The following TMEM63A variants were observed in gnomAD, a reference collection of about 807,000 sequenced individuals.
The protein encoded by TMEM63A is mechanosensitive cation channel TMEM63A.
A neutral mutation model predicts 100.6 loss-of-function variants in TMEM63A; 76 were observed. The observed-to-expected ratio is 0.76, with a 90% CI of 0.63 to 0.91. TMEM63A has a LOEUF of 0.91. Among genes scored for constraint, TMEM63A ranks in the 40% least tolerant of loss-of-function variants. The pLI is 0.00. For missense variants in TMEM63A, 876 were observed against 1,008.8 expected (o/e 0.87, Z 1.78); for synonymous variants, 401 against 401.1 (o/e 1.00, Z 0.00).
At chr1:225,879,456 C>A (rs1485828443) in intron 1 of TMEM63A, 46 bp from the exon 2 acceptor site, 2 of 152,402 alleles carry the variant, frequency 1.3e-5, no homozygotes, top group African/African-American at 4.8e-5. Context: ...CCACCCTTTT[C>A]CAGTGTAGGG....
At position 225,858,004 on chromosome 1, in the gene TMEM63A, C is replaced by T. The variant is rs145955553; in HGVS notation, c.1378-987G>A. Among the ~76,000 whole-genome samples the T allele has an allele frequency of 1.7e-3, 258 of 150,074 alleles. 1 individual carries two copies. Among genetic ancestry groups the T allele is most frequent in the Non-Finnish European group, 2.4e-3 (157 of 66,522 alleles). ...ATTGATTATCATGACAACAGCCTCA[C>T]GCCCTGTATAATAGTGCAGGTGTTT... On this transcript the variant is annotated intron_variant, in intron 15 of 24. Coordinates refer to ENST00000366835, the MANE Select transcript of TMEM63A (RefSeq NM_014698.3).
At chr1:225,854,211 G>A (rs1383727891) in intron 18 of TMEM63A, among the ~76,000 whole-genome samples, 1 of 152,200 alleles carries the variant, frequency 6.6e-6, no homozygotes, top group Non-Finnish European at 1.5e-5. Flanking sequence ...CCAGGGAAAG[G>A]GAACAACATA....
chr1:225,881,821 C>G (rs1005786087), intron 1 of TMEM63A, among the ~76,000 whole-genome samples: 1 of 152,152 alleles, frequency 6.6e-6, no homozygotes, highest in Non-Finnish European at 1.5e-5. Flanking sequence ...TCCCCGAGTC[C>G]CCAGCCTCCC....
intron 3 of TMEM63A, among the ~76,000 whole-genome samples, chr1:225,876,062 T>C (rs1328388575): frequency 4.2e-5 from 2 of 48,022 alleles, no homozygotes; most frequent in African/African-American, 1.9e-4. Context: ...AGACCTTGTC[T>C]CAAAAAAAAA....
chr1:225,853,826 A>G lies in TMEM63A; in HGVS notation c.1635-35T>C. 1 of 1,547,450 alleles carries G rather than the reference A, an allele frequency of 6.5e-7. No homozygotes were observed. Among genetic ancestry groups the G allele is most frequent in the Non-Finnish European group, 8.7e-7 (1 of 1,147,164 alleles). ...CCAGGGCCCAGGTCTGTGAGCTGAG[A>G]GCCGCTCTTGGAGGGAGAGGAGGGG... On this transcript the variant is annotated intron_variant, in intron 18 of 24. Transcript: ENST00000366835. The surrounding 1 kb of genome is among the most constrained non-coding windows in gnomAD (Gnocchi z 4.0).
intron 20 of TMEM63A, among the ~76,000 whole-genome samples, chr1:225,851,106 TA>T (rs1389199127): frequency 6.6e-6 from 1 of 152,120 alleles, no homozygotes; most frequent in Non-Finnish European, 1.5e-5. Flanking sequence ...CACAGAACAC[TA>T]ACATTCCAGA....
At chr1:225,866,823 G>T in intron 8 of TMEM63A, 141 bp from the exon 9 acceptor site, 1 of 776,840 alleles carries the variant, frequency 1.3e-6, no homozygotes, top group Non-Finnish European at 2.1e-6. Flanking sequence ...CACAGAGGTT[G>T]TGTGGCCAGC....
chr1:225,867,939 A>G lies in TMEM63A; in HGVS notation c.463T>C (p.Phe155Leu). The G allele has an allele frequency of 6.2e-7, 1 of 1,614,188 alleles. No individual in the cohort carries two copies. Among genetic ancestry groups the G allele is most frequent in the South Asian group, 1.1e-5 (1 of 91,080 alleles). ...GGCAGGATGACACACAGGGACAAAA[A>G]GCTGACCACCACCAACAGGAAGATG... ...HIIFLLVVVSFLSLCVILPVN... is the reference protein window; with the variant it reads ...HIIFLLVVVSLLSLCVILPVN... Residue 155 changes from phenylalanine to leucine, a missense_variant, in exon 7 of 25, where the codon TTT (phenylalanine) becomes CTT (leucine). Coordinates refer to ENST00000366835, the MANE Select transcript of TMEM63A (RefSeq NM_014698.3). The surrounding 1 kb of genome is among the most constrained non-coding windows in gnomAD (Gnocchi z 4.6).
chr1:225,860,744 T>G lies in TMEM63A; in HGVS notation c.1223+116A>C, dbSNP rs1012156705. 5.3e-6 allele frequency: 7 copies of G among 1,313,932 alleles called. No individual in the cohort carries two copies. The African/African-American group carries it at 1.1e-4, about 20-fold the overall frequency. The allele number at this position is 1,313,932 out of a possible 1,614,324, so 81.4% of individuals were successfully genotyped here. A position where few individuals can be genotyped will look rare whatever the true frequency, so the allele number is the denominator to read the frequency against. On this transcript the variant is annotated intron_variant, in intron 14 of 24. Transcript: ENST00000366835. ...ATCACAGCATCACAGCCCACAGAAT[T>G]GCAGATGTGTGGAGATCTCCATTGA... is the stretch of plus-strand genomic sequence containing the variant.
chr1:225,854,021 A>G (rs1669488580), intron 18 of TMEM63A, among the ~76,000 whole-genome samples: 1 of 152,202 alleles, frequency 6.6e-6, no homozygotes, highest in African/African-American at 2.4e-5. Context: ...CTGGGGGCAC[A>G]AACAAGCAGA....
At chr1:225,874,153 C>G (rs1670656807) in intron 4 of TMEM63A, 135 bp downstream of exon 4, 1 of 840,582 alleles carries the variant, frequency 1.2e-6, no homozygotes, top group Non-Finnish European at 1.8e-6. Context: ...TCATAAGCCC[C>G]TAGCCCATTC....
intron 1 of TMEM63A, among the ~76,000 whole-genome samples, chr1:225,881,186 G>A (rs75548549): frequency 0.064 from 9,709 of 152,270 alleles, 899 homozygotes; most frequent in African/African-American, 0.21. Flanking sequence ...GAAACCAGAG[G>A]CAGTGTGGCT....
chr1:225,853,591 G>A lies in TMEM63A; in HGVS notation c.1797+38C>T. The A allele has an allele frequency of 4.0e-6, 6 of 1,501,890 alleles. No individual in the cohort carries two copies. The highest frequency in any genetic ancestry group is 5.4e-6 in the Non-Finnish European group (6 of 1,119,940). The allele number at this position is 1,501,890 out of a possible 1,614,324, so 93.0% of individuals were successfully genotyped here. Reference sequence around the variant, plus strand: ...GGGTCAGTGAAGGGGGACATGGGAGGGAGTCAGAGGCACAGCCCTGGGCCC... The same window carrying A: ...GGGTCAGTGAAGGGGGACATGGGAGAGAGTCAGAGGCACAGCCCTGGGCCC... On this transcript the variant is annotated intron_variant, in intron 19 of 24. Transcript: ENST00000366835. The surrounding 1 kb of genome is among the most constrained non-coding windows in gnomAD (Gnocchi z 4.0).
intron 22 of TMEM63A, 96 bp downstream of exon 22, chr1:225,848,801 T>C: frequency 3.8e-6 from 4 of 1,050,942 alleles, no homozygotes; most frequent in Non-Finnish European, 5.7e-6. Context: ...TGCTGCTGTG[T>C]TGATACAGAC....
At chr1:225,860,639 G>T (rs907346980) in intron 14 of TMEM63A, 5 of 401,392 alleles carry the variant, frequency 1.2e-5, no homozygotes, top group South Asian at 1.2e-4. Flanking sequence ...TTATATTTCT[G>T]CTGGGTAGCA....
Position 225,865,690 on chromosome 1 carries a change from A to G in TMEM63A, c.746+207T>C, listed in dbSNP as rs1576097669. The G allele has an allele frequency of 1.7e-6, 1 of 571,882 alleles. No individual in the cohort carries two copies. The highest frequency in any genetic ancestry group is 2.9e-5 in the East Asian group (1 of 34,088). 35.4% of individuals were successfully genotyped at this position (571,882 alleles called of 1,614,324 possible). ...GGCTGCTTGAAGAGGATAGGCCACC[A>G]GGGCGCTATTCACTGCACAGCACCA... On this transcript the variant is annotated intron_variant, in intron 10 of 24. Coordinates refer to ENST00000366835, the MANE Select transcript of TMEM63A (RefSeq NM_014698.3). This position sits in a 1 kb window ranked among gnomAD's most constrained non-coding sequence, Gnocchi z 4.6.
chr1:225,849,090 C>T lies in TMEM63A; in HGVS notation c.2072-78G>A, dbSNP rs1379883426. 2.2e-5 allele frequency: 25 copies of T among 1,155,504 alleles called. No individual in the cohort carries two copies. In the Middle Eastern group the frequency reaches 1.4e-3, roughly 62 times the overall value. The allele number at this position is 1,155,504 out of a possible 1,614,324, so 71.6% of individuals were successfully genotyped here. ...ACCCTCACCCTGCTGAGGAAGGGGC[C>T]GCACCTGGTGTGGAAACTGCCCGTG... On this transcript the variant is annotated intron_variant, in intron 21 of 24. Transcript: ENST00000366835.
chr1:225,867,072 C>T lies in TMEM63A; in HGVS notation c.566+40G>A, dbSNP rs1670252417. ...GCTCCTGACCTGCCTTCTCCTTGAT[C>T]TCACCCATCAGCACCTATCCCCACG... On this transcript the variant is annotated intron_variant, in intron 8 of 24. Transcript: ENST00000366835. This position sits in a 1 kb window ranked among gnomAD's most constrained non-coding sequence, Gnocchi z 4.6. 1 of 1,612,056 alleles carries T rather than the reference C, an allele frequency of 6.2e-7. No homozygotes were observed. Among genetic ancestry groups the T allele is most frequent in the Middle Eastern group, 1.7e-4 (1 of 6,058 alleles).
intron 6 of TMEM63A, among the ~76,000 whole-genome samples, chr1:225,869,343 A>G (rs143382552): frequency 6.6e-6 from 1 of 152,364 alleles, no homozygotes; most frequent in Non-Finnish European, 1.5e-5. Flanking sequence ...AAGCTTTGCA[A>G]TTAACTACAT....
Sources: allele counts gnomAD v4.1 joint callset (sites outside exome capture counted in the v4.1 genomes callset), GRCh38; gene constraint gnomAD v4.1.1; non-coding constraint Gnocchi (gnomAD v3.1); transcripts MANE v1.5; gene names NCBI Gene and HGNC (gene_info 2026-07-23, HGNC 2026-07-21).